The following GNB5 variants were observed in gnomAD, a reference collection of about 807,000 sequenced individuals.
GNB5 encodes the protein guanine nucleotide-binding protein subunit beta-5.
GNB5 carries 37 observed loss-of-function variants against 55.3 expected under a neutral mutation model. That is an observed-to-expected ratio of 0.67 (90% CI 0.51 to 0.88). GNB5 has a LOEUF of 0.88. Ranked by LOEUF, GNB5 falls within the 40% of genes least tolerant of loss-of-function variation. GNB5 has a pLI of 0.00. For synonymous variants in GNB5, 219 were observed against 198.5 expected (o/e 1.10, Z -0.87); for missense variants, 476 against 515.3 (o/e 0.92, Z 0.74).
intron 4 of GNB5, 76 bp downstream of exon 4, chr15:52,153,864 G>C: frequency 1.6e-6 from 2 of 1,285,498 alleles, no homozygotes. Flanking sequence ...AGGGCTTTTG[G>C]AAAGGGACAG....
intron 9 of GNB5, among the ~76,000 whole-genome samples, chr15:52,130,327 C>T (rs2033544004): frequency 6.6e-6 from 1 of 152,170 alleles, no homozygotes; most frequent in Admixed American, 6.5e-5. Context: ...AGTGTTCGCC[C>T]TGGAAGAAAA....
In GNB5 at chr15:52,117,273, T is replaced by G. The variant is rs924482261; in HGVS notation, c.*5484A>C. On this transcript the variant is annotated 3_prime_UTR_variant, in exon 13 of 13. Transcript: ENST00000261837. ...CTCCTGGAATATGCACACAGTTTAC[T>G]ACAGCACACATATTCCTGTTGCAAT... The G allele has an allele frequency of 3.3e-5, 5 of 151,742 alleles. No individual in the cohort carries two copies. The highest frequency in any genetic ancestry group is 1.2e-4 in the African/African-American group (5 of 41,266). 9.4% of individuals were successfully genotyped at this position (151,742 alleles called of 1,614,324 possible).
chr15:52,169,134 G>A (rs909167233), intron 3 of GNB5, among the ~76,000 whole-genome samples: 1 of 152,170 alleles, frequency 6.6e-6, no homozygotes, highest in Non-Finnish European at 1.5e-5. Context: ...GACCAGCCTG[G>A]CCAACATGGT....
At chr15:52,142,516 G>T in intron 6 of GNB5, among the ~76,000 whole-genome samples, 2 of 149,144 alleles carry the variant, frequency 1.3e-5, no homozygotes, top group South Asian at 2.1e-4. Flanking sequence ...TACTACATTT[G>T]ATGCTCAAAT....
chr15:52,189,097 A>G (rs755777863), intron 1 of GNB5, among the ~76,000 whole-genome samples: 6 of 152,230 alleles, frequency 3.9e-5, no homozygotes, highest in Non-Finnish European at 5.9e-5. Context: ...TCCAGTTTTT[A>G]CTTTTAAAAT....
intron 3 of GNB5, among the ~76,000 whole-genome samples, chr15:52,172,540 G>A (rs972736292): frequency 3.9e-5 from 6 of 152,038 alleles, no homozygotes; most frequent in South Asian, 2.1e-4. Context: ...AGCACTTTGG[G>A]AGGCAGAGGT....
intron 7 of GNB5, chr15:52,137,328 G>T (rs2033747500): frequency 9.3e-7 from 1 of 1,072,006 alleles, no homozygotes; most frequent in Admixed American, 5.0e-5. Flanking sequence ...AACCCAGTGT[G>T]GTGATATCTG....
chr15:52,184,563 T>C lies in GNB5; in HGVS notation c.114A>G (p.Thr38=). 1 of 1,613,694 alleles carries C rather than the reference T, an allele frequency of 6.2e-7. No individual in the cohort carries two copies. The highest frequency in any genetic ancestry group is 8.5e-7 in the Non-Finnish European group (1 of 1,179,640). ...AAGTGGCACTTACAATTTCTGCACA[T>C]GTTGAACAGTAGCTGAGTTGTTGAG... ...KKSQQLSYCS[T]CAEIMATEGL... Residue 38 remains threonine, a synonymous_variant, in exon 2 of 13, where the codon ACA becomes ACG. Transcript: ENST00000261837.
rs541392194 is a variant in GNB5, at chr15:52,131,703, A to G, written c.863+1675T>C. ...TTCTTTTTTCCTTATCCCACATTTGAGGGCAAGAAGTACTAAAGTAAGCAA... is the reference window on the plus strand; with the variant it reads ...TTCTTTTTTCCTTATCCCACATTTGGGGGCAAGAAGTACTAAAGTAAGCAA... On this transcript the variant is annotated intron_variant, in intron 9 of 12. Coordinates refer to ENST00000261837, the MANE Select transcript of GNB5 (RefSeq NM_016194.4). 5.9e-5 allele frequency among the ~76,000 whole-genome samples: 9 copies of G among 152,262 alleles called. No homozygotes were observed. The East Asian group carries it at 1.5e-3, about 26-fold the overall frequency.
chr15:52,128,494 G>C, intron 9 of GNB5: 1 of 627,044 alleles, frequency 1.6e-6, no homozygotes, highest in Non-Finnish European at 2.9e-6. Context: ...AGAACACAGA[G>C]TAGACCCCCT....
chr15:52,185,930 C>T (rs1040673258), intron 1 of GNB5, among the ~76,000 whole-genome samples: 8 of 152,190 alleles, frequency 5.3e-5, no homozygotes, highest in Admixed American at 2.6e-4. Flanking sequence ...AGGCATAAGA[C>T]ACCATGCCAG....
In GNB5 at chr15:52,147,469, TG is replaced by T; in HGVS notation, c.483del (p.Ile162LeufsTer15). 6.3e-7 allele frequency: 1 copy of T among 1,595,286 alleles called. No individual in the cohort carries two copies. Among genetic ancestry groups the T allele is most frequent in the Non-Finnish European group, 8.6e-7 (1 of 1,162,762 alleles). On this transcript the variant is annotated frameshift_variant, in exon 6 of 13. Transcript: ENST00000261837. LOFTEE classifies it high-confidence loss of function. ...GTAGCTCCAACTTACCCACAAGCAATGGCACATCCCGATGGGGCATAAGCAC... is the reference window on the plus strand; with the variant it reads ...GTAGCTCCAACTTACCCACAAGCAATGCACATCCCGATGGGGCATAAGCAC... ...MACAYAPSGCAIACGGLDNKC... is the reference protein window; with the variant it reads ...MACAYAPSGCXIACGGLDNKC...
chr15:52,144,321 T>C (rs1379506784), intron 6 of GNB5: 2 of 152,278 alleles, frequency 1.3e-5, no homozygotes, highest in African/African-American at 4.8e-5. Context: ...ACCCAATATA[T>C]TCTTTCTGTA....
At chr15:52,179,632 A>T in intron 3 of GNB5, 136 bp downstream of exon 3, 1 of 355,654 alleles carries the variant, frequency 2.8e-6, no homozygotes, top group South Asian at 1.3e-4. Flanking sequence ...CCCGGGCCCC[A>T]GGGCCCTGCT....
chr15:52,155,783 C>CTGGG (rs2034196120), intron 3 of GNB5, among the ~76,000 whole-genome samples: 1 of 152,168 alleles, frequency 6.6e-6, no homozygotes, highest in Non-Finnish European at 1.5e-5. Flanking sequence ...TGCATCCCAC[C>CTGGG]TGGGCACATG....
chr15:52,147,343 T>C (rs2033998171), intron 6 of GNB5, 116 bp downstream of exon 6: 1 of 737,854 alleles, frequency 1.4e-6, no homozygotes, highest in Non-Finnish European at 2.5e-6. Flanking sequence ...GGATTTAGCA[T>C]ACTGCTAAAC....
chr15:52,178,072 G>A (rs74946295), intron 3 of GNB5, among the ~76,000 whole-genome samples: 7,491 of 152,244 alleles, frequency 0.049, 238 homozygotes, highest in African/African-American at 0.087. Context: ...AAAATATCCA[G>A]GCATGCAGCC....
intron 1 of GNB5, among the ~76,000 whole-genome samples, chr15:52,188,175 A>G (rs2034872066): frequency 6.6e-6 from 1 of 152,140 alleles, no homozygotes; most frequent in Non-Finnish European, 1.5e-5. Flanking sequence ...ACGTCATTGC[A>G]TATTACTGGA....
At chr15:52,181,073 T>C (rs933298011) in intron 2 of GNB5, 15 of 152,322 alleles carry the variant, frequency 9.8e-5, no homozygotes, top group African/African-American at 3.4e-4. Flanking sequence ...AGATCAAAGT[T>C]ACAGATGCTG....
Sources: allele counts gnomAD v4.1 joint callset (sites outside exome capture counted in the v4.1 genomes callset), GRCh38; gene constraint gnomAD v4.1.1; transcripts MANE v1.5; gene names NCBI Gene and HGNC (gene_info 2026-07-23, HGNC 2026-07-21).